The following RALGAPB variants were observed in gnomAD, a reference collection of about 807,000 sequenced individuals.
RALGAPB encodes the protein Ral GTPase activating protein non-catalytic subunit beta, also known as ral GTPase-activating protein subunit beta.
Under a neutral mutation model 161.1 loss-of-function variants are expected in RALGAPB, and 25 were observed. The observed-to-expected ratio is 0.16, with a 90% CI of 0.11 to 0.22. The LOEUF (loss-of-function observed/expected upper bound fraction) is 0.22. Ranked by LOEUF, RALGAPB falls within the 10% of genes least tolerant of loss-of-function variation. The probability of loss-of-function intolerance (pLI) is 1.00; values close to 1 mark genes in which losing one functional copy is unlikely to be tolerated. For synonymous variants in RALGAPB, 629 were observed against 626.1 expected, an observed-to-expected ratio of 1.00 and a Z score of -0.07; for missense variants, 1,391 against 1,815.2, an observed-to-expected ratio of 0.77 and a Z score of 4.25.
rs2087822600 is a variant in RALGAPB at position 38,562,569 on chromosome 20, C to T, written c.3569C>T (p.Pro1190Leu). 6.2e-7 allele frequency: 1 copy of T among 1,613,078 alleles called. No homozygotes were observed. Among genetic ancestry groups the T allele is most frequent in the South Asian group, 1.1e-5 (1 of 90,980 alleles). The change falls in exon 24 of 30, where the codon CCA (proline) becomes CTA (leucine). Residue 1190 changes from proline to leucine, a missense_variant. Pro to Leu is a moderately conservative substitution (Grantham distance 98). This residue lies in a region of RALGAPB where 436 missense variants were observed against 527.0 expected (regional missense o/e 0.83). Coordinates refer to ENST00000262879, the MANE Select transcript of RALGAPB (RefSeq NM_020336.4). ...GTGGAGTCTTCCAGAACTGTTCAGC[C>T]ACATTTCCTAGAATTTTTGCTTTCC... ...KNVESSRTVQ[P>L]HFLEFLLSLG...
intron 5 of RALGAPB, among the ~76,000 whole-genome samples, chr20:38,503,481 A>C (rs918803748): frequency 2.0e-5 from 3 of 152,222 alleles, no homozygotes; most frequent in African/African-American, 7.2e-5. Context: ...AGAAGTAGCA[A>C]GAGAACTACA....
rs546342277 is a variant in RALGAPB, at chr20:38,480,143, G to A, written c.-31+7074G>A. On this transcript the variant is annotated intron_variant, in intron 1 of 29. Coordinates refer to ENST00000262879, the MANE Select transcript of RALGAPB (RefSeq NM_020336.4). ...ATTACAGGTGTGTGCCACCATGCCC[G>A]GCTAAGATAAGGTTAAACTTTTGCT... 4.7e-5 allele frequency among the ~76,000 whole-genome samples: 7 copies of A among 150,050 alleles called. No individual in the cohort carries two copies. The South Asian group carries it at 1.1e-3, about 23-fold the overall frequency.
chr20:38,553,815 C>G (rs2145448903), intron 21 of RALGAPB, 52 bp from the exon 22 acceptor site: 2 of 748,644 alleles, frequency 2.7e-6, no homozygotes, highest in Non-Finnish European at 4.6e-6. Context: ...TTAAGATTGG[C>G]CTTACTAGTT....
chr20:38,549,545 A>T (rs1004156554), intron 20 of RALGAPB, among the ~76,000 whole-genome samples: 11,714 of 121,456 alleles, frequency 0.096, 986 homozygotes, highest in African/African-American at 0.24. Flanking sequence ...AAAAAAAAAA[A>T]AAAAATATAT....
chr20:38,516,859 A>G (rs1180985111), intron 7 of RALGAPB, among the ~76,000 whole-genome samples: 1 of 152,222 alleles, frequency 6.6e-6, no homozygotes, highest in Non-Finnish European at 1.5e-5. Flanking sequence ...TTTTAGATAT[A>G]TGAAAAGTCA....
chr20:38,496,837 T>C (rs1393199763), intron 3 of RALGAPB, among the ~76,000 whole-genome samples: 1 of 152,220 alleles, frequency 6.6e-6, no homozygotes, highest in Non-Finnish European at 1.5e-5. Flanking sequence ...GGGGACCTAT[T>C]AGGCTATTCC....
Position 38,575,331 on chromosome 20 carries a change from A to G in RALGAPB, c.*364A>G. 5.4e-6 allele frequency: 1 copy of G among 183,494 alleles called. No homozygotes were observed. Among genetic ancestry groups the G allele is most frequent in the Non-Finnish European group, 1.1e-5 (1 of 87,212 alleles). 11.4% of individuals were successfully genotyped at this position (183,494 alleles called of 1,614,324 possible). On this transcript the variant is annotated 3_prime_UTR_variant, in exon 30 of 30. Coordinates refer to ENST00000262879, the MANE Select transcript of RALGAPB (RefSeq NM_020336.4). ...CAAATTTGCAATATAGAAGTTGAAG[A>G]TAGTTTTTTACCTCACTTTTTAGGA...
At chr20:38,491,994 A>G (rs2085293712) in intron 2 of RALGAPB, among the ~76,000 whole-genome samples, 1 of 152,218 alleles carries the variant, frequency 6.6e-6, no homozygotes, top group Non-Finnish European at 1.5e-5. Flanking sequence ...TGTCTGGAAT[A>G]CAGTTTCCTC....
At chr20:38,518,278 A>G (rs1020706546) in intron 9 of RALGAPB, among the ~76,000 whole-genome samples, 5 of 152,238 alleles carry the variant, frequency 3.3e-5, no homozygotes, top group African/African-American at 1.2e-4. Context: ...GATTTCTTTC[A>G]GTAGGTGACC....
At position 38,531,139 on chromosome 20, in the gene RALGAPB, A is replaced by G. The variant is rs1473259708; in HGVS notation, c.2051-28A>G. On this transcript the variant is annotated intron_variant, in intron 13 of 29. Coordinates refer to ENST00000262879, the MANE Select transcript of RALGAPB (RefSeq NM_020336.4). ...ATTTTAGTGTTCTTGTGTATTTTAT[A>G]TAAAATACTGTTTTATTGTTGTTGT... 5 of 1,537,866 alleles carry G rather than the reference A, an allele frequency of 3.3e-6. No homozygotes were observed. In the African/African-American group the frequency reaches 4.1e-5, roughly 13 times the overall value.
chr20:38,518,130 G>A (rs1366761513), intron 9 of RALGAPB, 130 bp downstream of exon 9: 1 of 841,234 alleles, frequency 1.2e-6, no homozygotes, highest in African/African-American at 1.7e-5. Flanking sequence ...GCAATGTCTT[G>A]TGCTTAACCC....
chr20:38,489,663 C>CT (rs1411949010), intron 2 of RALGAPB, among the ~76,000 whole-genome samples: 3 of 152,112 alleles, frequency 2.0e-5, no homozygotes, highest in Non-Finnish European at 4.4e-5. Context: ...TTCTCAGACC[C>CT]TTTTTTTCTG....
At chr20:38,553,777 C>CAAAAAAA (rs35778032) in intron 21 of RALGAPB, 90 bp from the exon 22 acceptor site, 72 of 278,698 alleles carry the variant, frequency 2.6e-4, no homozygotes, top group Middle Eastern at 1.1e-3. Context: ...AGCCCAGTCT[C>CAAAAAAA]AAAAAAAAAA....
intron 9 of RALGAPB, among the ~76,000 whole-genome samples, chr20:38,518,638 A>C (rs920861698): frequency 2.0e-5 from 3 of 152,178 alleles, no homozygotes; most frequent in African/African-American, 7.2e-5. Flanking sequence ...ATTATATTTG[A>C]AAGTAATGGC....
At chr20:38,479,010 C>T (rs1030664691) in intron 1 of RALGAPB, among the ~76,000 whole-genome samples, 5 of 152,216 alleles carry the variant, frequency 3.3e-5, no homozygotes, top group Admixed American at 2.6e-4. Context: ...CTCGGCCTCC[C>T]AAAGTGCTGG....
chr20:38,517,533 C>A lies in RALGAPB; in HGVS notation c.1079C>A (p.Ala360Asp), dbSNP rs1226286114. Residue 360 changes from alanine to aspartate, a missense_variant, in exon 8 of 30, where the codon GCT (alanine) becomes GAT (aspartate). Transcript: ENST00000262879. ...LGISRPRSDS[A>D]PPTPVNRLSM... is the part of the protein sequence containing the mutation. ...ATTTCTAGACCCCGATCAGACAGTG[C>A]TCCCCCAACACCCGTGAATAGATTA... 6.2e-7 allele frequency: 1 copy of A among 1,601,844 alleles called. No individual in the cohort carries two copies. The highest frequency in any genetic ancestry group is 1.7e-5 in the Admixed American group (1 of 57,268).
Position 38,492,430 on chromosome 20 carries a change from T to A in RALGAPB, c.187-500T>A, listed in dbSNP as rs550472773. ...CTTCATTTTAAGTATTATTATTATTTTTTTTTTTGGCAGAGAACAGTTGTA... is the reference window on the plus strand; with the variant it reads ...CTTCATTTTAAGTATTATTATTATTATTTTTTTTGGCAGAGAACAGTTGTA... On this transcript the variant is annotated intron_variant, in intron 2 of 29. Coordinates refer to ENST00000262879, the MANE Select transcript of RALGAPB (RefSeq NM_020336.4). Among the ~76,000 whole-genome samples the A allele has an allele frequency of 9.6e-4, 146 of 152,216 alleles. 1 individual carries two copies. The highest frequency in any genetic ancestry group is 3.3e-3 in the African/African-American group (135 of 41,532).
chr20:38,556,155 G>C (rs1321621862), intron 22 of RALGAPB, among the ~76,000 whole-genome samples: 1 of 152,108 alleles, frequency 6.6e-6, no homozygotes, highest in Non-Finnish European at 1.5e-5. Context: ...TGAAACCCAG[G>C]AGCAAACTAG....
chr20:38,517,134 G>C (rs1173483051), intron 7 of RALGAPB, among the ~76,000 whole-genome samples: 1 of 152,210 alleles, frequency 6.6e-6, no homozygotes, highest in Non-Finnish European at 1.5e-5. Context: ...GGGCCATGAT[G>C]GTTGAGTGAG....
Sources: gnomAD v4.1 joint callset for allele counts (sites outside exome capture counted in the v4.1 genomes callset) on GRCh38, gnomAD v4.1.1 for gene constraint, gnomAD v4.1.1 regional missense constraint, MANE v1.5 for transcripts, NCBI Gene and HGNC (gene_info 2026-07-23, HGNC 2026-07-21) for gene names.